Variants in CDH23 observed in about 807,000 individuals in gnomAD.
CDH23 encodes cadherin related 23, also known as cadherin-23.
CDH23 carries 189 observed loss-of-function variants against 317.1 expected under a neutral mutation model. That is an observed-to-expected ratio of 0.60 (90% CI 0.53 to 0.67). The LOEUF (loss-of-function observed/expected upper bound fraction) is 0.67. Ranked by LOEUF, CDH23 falls within the 30% of genes least tolerant of loss-of-function variation. The probability of loss-of-function intolerance (pLI) is 0.00; values close to 1 mark genes in which losing one functional copy is unlikely to be tolerated. For missense variants in CDH23, 4,401 were observed against 4,592.4 expected (o/e 0.96, Z 1.20); for synonymous variants, 1,839 against 1,876.8 (o/e 0.98, Z 0.52).
rs1451323606 is a variant in CDH23 at position 71,785,590 on chromosome 10, G to A, written c.5713-41G>A. 4.6e-6 allele frequency: 6 copies of A among 1,318,670 alleles called. No individual in the cohort carries two copies. The East Asian group carries it at 7.5e-5, about 16-fold the overall frequency. 81.7% of individuals were successfully genotyped at this position (1,318,670 alleles called of 1,614,324 possible). ...ATCTGTGGGCCAAAGTAGAAAGCAGGGAAAAGGTCTCCATGCAGCTCACCA... is the reference window on the plus strand; with the variant it reads ...ATCTGTGGGCCAAAGTAGAAAGCAGAGAAAAGGTCTCCATGCAGCTCACCA... On this transcript the variant is annotated intron_variant, in intron 43 of 69. Transcript: ENST00000224721.
chr10:71,574,363 G>A (rs181662028), intron 8 of CDH23, among the ~76,000 whole-genome samples: 69 of 152,286 alleles, frequency 4.5e-4, no homozygotes, highest in African/African-American at 1.3e-3. Context: ...GTGAAGGGCC[G>A]ATAGAAGGTG....
chr10:71,446,577 G>A (rs1850182047), intron 3 of CDH23, among the ~76,000 whole-genome samples, 182 bp downstream of exon 3: 1 of 152,164 alleles, frequency 6.6e-6, no homozygotes, highest in Non-Finnish European at 1.5e-5. Flanking sequence ...ACAGAGGGGA[G>A]CTCTGAACGT....
intron 6 of CDH23, among the ~76,000 whole-genome samples, chr10:71,514,990 C>T (rs551308211): frequency 1.3e-5 from 2 of 152,360 alleles, no homozygotes; most frequent in East Asian, 3.9e-4. Flanking sequence ...GCCCGCCTCG[C>T]TGACCTTCAG....
At chr10:71,779,227 G>T in intron 40 of CDH23, 40 bp from the exon 41 acceptor site, 1 of 1,604,334 alleles carries the variant, frequency 6.2e-7, no homozygotes, top group Non-Finnish European at 8.5e-7. Flanking sequence ...CACAAAGCTG[G>T]CTGGGGTGAG....
intron 18 of CDH23, among the ~76,000 whole-genome samples, chr10:71,685,395 A>G: frequency 6.6e-6 from 1 of 152,206 alleles, no homozygotes; most frequent in Non-Finnish European, 1.5e-5. Flanking sequence ...GGACTGGAGC[A>G]TCTCGTTGTG....
At chr10:71,779,198 G>A (rs1307362633) in intron 40 of CDH23, 69 bp from the exon 41 acceptor site, 16 of 1,446,216 alleles carry the variant, frequency 1.1e-5, no homozygotes, top group Middle Eastern at 3.5e-4. Flanking sequence ...ATTTCACAGA[G>A]GAAGGAACTG....
At chr10:71,508,700 T>C (rs769711863) in intron 3 of CDH23, among the ~76,000 whole-genome samples, 4 of 152,168 alleles carry the variant, frequency 2.6e-5, no homozygotes, top group Admixed American at 6.5e-5. Flanking sequence ...TCTCATTTTA[T>C]AGGGGAAACT....
chr10:71,724,876 C>A (rs1322106762), intron 29 of CDH23, among the ~76,000 whole-genome samples: 1 of 152,158 alleles, frequency 6.6e-6, no homozygotes, highest in Non-Finnish European at 1.5e-5. Flanking sequence ...GAGTAGATCC[C>A]CAAAGAAAAA....
chr10:71,793,374 G>C lies in CDH23; in HGVS notation c.6446G>C (p.Arg2149Pro), dbSNP rs377376107. The change falls in exon 48 of 70, where the codon CGG (arginine) becomes CCG (proline). Residue 2149 changes from arginine to proline, a missense_variant. Physicochemically the swap from Arg to Pro is moderately radical, Grantham distance 103. This residue lies in a region of CDH23 where 3,068 missense variants were observed against 3,203.3 expected (regional missense o/e 0.96). Transcript: ENST00000224721. ...SYRLTVVATDRGTVPLSGTAI... is the reference protein window; with the variant it reads ...SYRLTVVATDPGTVPLSGTAI... ...AGGCTAACGGTGGTGGCCACCGACC[G>C]GGGCACCGTTCCTCTCTCGGGCACA... 1.9e-6 allele frequency: 3 copies of C among 1,613,896 alleles called. No homozygotes were observed. The highest frequency in any genetic ancestry group is 2.2e-5 in the South Asian group (2 of 91,052).
chr10:71,741,687 CT>C lies in CDH23; in HGVS notation c.4618-6del, dbSNP rs2132847368. 1 of 1,601,856 alleles carries C rather than the reference CT, an allele frequency of 6.2e-7. No individual in the cohort carries two copies. Among genetic ancestry groups the C allele is most frequent in the South Asian group, 1.1e-5 (1 of 88,804 alleles). ...CCAGAATGACTGCTCTCCTGCTCTC[CT>C]CCCAGAACGTGGGTGGAGGTACTGC... On this transcript the variant is annotated splice_region_variant and splice_polypyrimidine_tract_variant and intron_variant, in intron 37 of 69. Coordinates refer to ENST00000224721, the MANE Select transcript of CDH23 (RefSeq NM_022124.6).
At position 71,730,456 on chromosome 10, in the gene CDH23, C is replaced by A; in HGVS notation, c.3580-13C>A. On this transcript the variant is annotated splice_polypyrimidine_tract_variant and intron_variant, in intron 30 of 69. Coordinates refer to ENST00000224721, the MANE Select transcript of CDH23 (RefSeq NM_022124.6). ...CCCACCCTGACCTTGCACCCCTGGC[C>A]CGGCTCCCACAGGTGATTGTGTACG... The A allele has an allele frequency of 1.2e-6, 2 of 1,613,004 alleles. No individual in the cohort carries two copies. Among genetic ancestry groups the A allele is most frequent in the Non-Finnish European group, 1.7e-6 (2 of 1,179,660 alleles).
intron 48 of CDH23, among the ~76,000 whole-genome samples, chr10:71,796,282 G>A (rs147172716): frequency 7.0e-4 from 107 of 152,312 alleles, no homozygotes; most frequent in African/African-American, 2.3e-3. Flanking sequence ...CAGCACTGAG[G>A]TCAGCCAAAC....
chr10:71,739,108 T>C (rs1839664053), intron 35 of CDH23, among the ~76,000 whole-genome samples: 1 of 152,086 alleles, frequency 6.6e-6, no homozygotes, highest in Non-Finnish European at 1.5e-5. Flanking sequence ...GCCGTGTGTT[T>C]GCGGGTGTTA....
intron 38 of CDH23, among the ~76,000 whole-genome samples, chr10:71,766,535 C>G (rs6480554): frequency 0.23 from 34,784 of 152,180 alleles, 4,105 homozygotes; most frequent in Non-Finnish European, 0.26. Context: ...CAGATCCCAC[C>G]CTTCTCTGAG....
intron 20 of CDH23, among the ~76,000 whole-genome samples, chr10:71,691,599 G>T (rs1865185864): frequency 6.6e-6 from 1 of 152,310 alleles, no homozygotes; most frequent in African/African-American, 2.4e-5. Context: ...TGATGATTCT[G>T]GGACCCAGGC....
At position 71,643,876 on chromosome 10, in the gene CDH23, C is replaced by T. The variant is rs1265873446; in HGVS notation, c.1140+10C>T. On this transcript the variant is annotated intron_variant, in intron 12 of 69. Transcript: ENST00000224721. Reference sequence around the variant, plus strand: ...CCATTGACAGAATTTGGTAAGTGAGCCTCTGAAGGGCAGGGGTTGGGCTTG... The same window carrying T: ...CCATTGACAGAATTTGGTAAGTGAGTCTCTGAAGGGCAGGGGTTGGGCTTG... The T allele has an allele frequency of 1.3e-6, 1 of 766,162 alleles. No individual in the cohort carries two copies. The highest frequency in any genetic ancestry group is 2.4e-5 in the East Asian group (1 of 41,238). The allele number at this position is 766,162 out of a possible 1,614,324, so 47.5% of individuals were successfully genotyped here.
chr10:71,727,068 A>C (rs1315982687), intron 30 of CDH23, among the ~76,000 whole-genome samples: 1 of 152,218 alleles, frequency 6.6e-6, no homozygotes, highest in Non-Finnish European at 1.5e-5. Context: ...CCTGAGGAAT[A>C]ATAAACCCTC....
At chr10:71,680,781 C>G (rs1474150864) in intron 17 of CDH23, among the ~76,000 whole-genome samples, 2 of 137,690 alleles carry the variant, frequency 1.5e-5, no homozygotes, top group Non-Finnish European at 3.1e-5. Context: ...AAATTGCATT[C>G]TCTATGAAAT....
At position 71,790,575 on chromosome 10, in the gene CDH23, C is replaced by A. The variant is rs77056498; in HGVS notation, c.6049+162C>A. Among the ~76,000 whole-genome samples the A allele has an allele frequency of 0.044, 6,687 of 152,200 alleles. 446 individuals are homozygous for A. Among genetic ancestry groups the A allele is most frequent in the African/African-American group, 0.15 (6,030 of 41,492 alleles). On this transcript the variant is annotated intron_variant, in intron 46 of 69. Transcript: ENST00000224721. ...CCCATCTTGCAGCTGGGTTATATCA[C>A]CCAGTGGCCTGGCAGGGGGACGTGG... is the stretch of plus-strand genomic sequence containing the variant.
Sources: allele counts gnomAD v4.1 joint callset (sites outside exome capture counted in the v4.1 genomes callset), GRCh38; gene constraint gnomAD v4.1.1; regional missense constraint gnomAD v4.1.1; transcripts MANE v1.5; gene names NCBI Gene and HGNC (gene_info 2026-07-23, HGNC 2026-07-21).